Variants in SPATA16 observed in about 807,000 individuals in gnomAD.
SPATA16 encodes the protein spermatogenesis associated 16.
A neutral mutation model predicts 63.3 loss-of-function variants in SPATA16; 36 were observed. The ratio of observed to expected loss-of-function variants is 0.57; its 90% CI spans 0.44 to 0.75. The LOEUF (loss-of-function observed/expected upper bound fraction) is 0.75, where lower values mean the gene tolerates loss of function less well. SPATA16 is among the 30% of genes least tolerant of loss of function. The pLI is 0.00. For missense variants in SPATA16, 646 were observed against 679.3 expected (o/e 0.95, Z 0.54); for synonymous variants, 203 against 216.7 (o/e 0.94, Z 0.56).
intron 10 of SPATA16, among the ~76,000 whole-genome samples, chr3:172,910,294 A>T (rs990281290): frequency 6.6e-6 from 1 of 152,010 alleles, no homozygotes; most frequent in African/African-American, 2.4e-5. Context: ...GGGTTTCACC[A>T]TGTTGGCCAG....
intron 6 of SPATA16, among the ~76,000 whole-genome samples, chr3:172,952,938 C>CAAAA (rs60404306): frequency 1.7e-4 from 13 of 77,996 alleles, no homozygotes; most frequent in African/African-American, 2.8e-4. Flanking sequence ...GACTCCATCT[C>CAAAA]AAAAAAAAAA....
chr3:172,952,176 T>G (rs1485561471), intron 6 of SPATA16, among the ~76,000 whole-genome samples: 1 of 152,006 alleles, frequency 6.6e-6, no homozygotes, highest in African/African-American at 2.4e-5. Context: ...AAATGCTGAG[T>G]GTTTTTGAGG....
intron 10 of SPATA16, among the ~76,000 whole-genome samples, chr3:172,893,697 G>T (rs1414409421): frequency 6.6e-6 from 1 of 152,104 alleles, no homozygotes; most frequent in African/African-American, 2.4e-5. Context: ...TACTTGGTTG[G>T]TGCCCCCTGG....
chr3:172,971,318 GTTTTTA>G (rs1320716656), intron 5 of SPATA16, among the ~76,000 whole-genome samples: 1 of 152,174 alleles, frequency 6.6e-6, no homozygotes, highest in Non-Finnish European at 1.5e-5. Flanking sequence ...ATAATCACTG[GTTTTTA>G]AAATTGTAAA....
intron 2 of SPATA16, among the ~76,000 whole-genome samples, chr3:173,051,942 A>T (rs1736109918): frequency 6.6e-6 from 1 of 151,736 alleles, no homozygotes; most frequent in South Asian, 2.1e-4. Context: ...CGCCCAAGTA[A>T]CTAGGACTAC....
intron 3 of SPATA16, among the ~76,000 whole-genome samples, chr3:173,047,322 G>T (rs1163858705): frequency 6.6e-6 from 1 of 151,124 alleles, no homozygotes; most frequent in African/African-American, 2.4e-5. Context: ...TATTAAATAC[G>T]ATTCAAAAAT....
At chr3:173,094,300 T>A (rs1737297525) in intron 2 of SPATA16, among the ~76,000 whole-genome samples, 1 of 152,138 alleles carries the variant, frequency 6.6e-6, no homozygotes, top group African/African-American at 2.4e-5. Flanking sequence ...TGGTAGCTAT[T>A]TAAATAAATG....
intron 2 of SPATA16, among the ~76,000 whole-genome samples, chr3:173,106,660 A>G (rs1737629120): frequency 6.6e-6 from 1 of 152,066 alleles, no homozygotes; most frequent in African/African-American, 2.4e-5. Flanking sequence ...ATCTCACTCT[A>G]TCTATCCACC....
intron 2 of SPATA16, among the ~76,000 whole-genome samples, chr3:173,087,141 G>A (rs7645737): frequency 0.037 from 5,573 of 152,170 alleles, 347 homozygotes; most frequent in African/African-American, 0.13. Flanking sequence ...GTCTCCCACT[G>A]TTACTGTGTG....
chr3:173,033,474 C>A (rs578156342), intron 3 of SPATA16, among the ~76,000 whole-genome samples: 1 of 152,126 alleles, frequency 6.6e-6, no homozygotes, highest in African/African-American at 2.4e-5. Flanking sequence ...CAGTGTTGGC[C>A]CTATTATCTT....
chr3:172,977,091 A>C, intron 4 of SPATA16, 39 bp from the exon 5 acceptor site: 2 of 1,518,870 alleles, frequency 1.3e-6, no homozygotes, highest in African/African-American at 1.4e-5. Flanking sequence ...ACAAAAACAA[A>C]TGTATAGGAC....
intron 4 of SPATA16, among the ~76,000 whole-genome samples, chr3:172,998,969 G>T (rs1235630625): frequency 3.3e-5 from 5 of 151,590 alleles, no homozygotes; most frequent in Non-Finnish European, 5.9e-5. Flanking sequence ...GAAGATTTTT[G>T]TTCATAAGAG....
intron 3 of SPATA16, among the ~76,000 whole-genome samples, chr3:173,042,662 C>G (rs1287203365): frequency 6.6e-6 from 1 of 152,090 alleles, no homozygotes; most frequent in African/African-American, 2.4e-5. Context: ...GAGCATTTTA[C>G]TTATATTTAA....
intron 6 of SPATA16, among the ~76,000 whole-genome samples, chr3:172,940,344 T>G (rs1465419978): frequency 6.6e-6 from 1 of 152,218 alleles, no homozygotes; most frequent in Non-Finnish European, 1.5e-5. Flanking sequence ...TAACTCTATG[T>G]GGATAGTTAT....
intron 4 of SPATA16, among the ~76,000 whole-genome samples, chr3:173,013,273 C>T (rs1374287828): frequency 6.6e-6 from 1 of 152,050 alleles, no homozygotes; most frequent in Non-Finnish European, 1.5e-5. Flanking sequence ...ATAATAGATG[C>T]TTGTGAGGCT....
At chr3:173,106,085 A>G (rs762767343) in intron 2 of SPATA16, among the ~76,000 whole-genome samples, 9 of 152,188 alleles carry the variant, frequency 5.9e-5, no homozygotes, top group Non-Finnish European at 1.2e-4. Context: ...ACTGAATACT[A>G]TATTTTCTCT....
chr3:172,944,677 G>A (rs887236396), intron 6 of SPATA16, among the ~76,000 whole-genome samples: 3 of 152,204 alleles, frequency 2.0e-5, no homozygotes, highest in Non-Finnish European at 4.4e-5. Context: ...AGGAAAATCT[G>A]ACATTGGCTA....
intron 1 of SPATA16, among the ~76,000 whole-genome samples, chr3:173,137,862 CACACACACACAG>C (rs1197871270): frequency 6.6e-6 from 1 of 151,120 alleles, no homozygotes; most frequent in African/African-American, 2.4e-5. Flanking sequence ...CACACACACA[CACACACACACAG>C]ACACACACAC....
At chr3:173,135,909 C>A (rs1388386542) in intron 1 of SPATA16, among the ~76,000 whole-genome samples, 1 of 152,110 alleles carries the variant, frequency 6.6e-6, no homozygotes, top group African/African-American at 2.4e-5. Flanking sequence ...TGCCTTTTAC[C>A]AAATGTATGT....
Sources: gnomAD v4.1 joint callset for allele counts (sites outside exome capture counted in the v4.1 genomes callset) on GRCh38, gnomAD v4.1.1 for gene constraint, MANE v1.5 for transcripts, NCBI Gene and HGNC (gene_info 2026-07-23, HGNC 2026-07-21) for gene names.